The following XKR6 variants were observed in gnomAD, a reference collection of about 807,000 sequenced individuals.
XKR6 encodes XK-related protein 6.
XKR6 carries 22 observed loss-of-function variants against 56.7 expected under a neutral mutation model. That is an observed-to-expected ratio of 0.39 (90% CI 0.28 to 0.55). The LOEUF is 0.55. Among genes scored for constraint, XKR6 ranks in the 20% least tolerant of loss-of-function variants. The pLI, the probability that XKR6 is intolerant of heterozygous loss-of-function variation, is 0.66. For missense variants in XKR6, 852 were observed against 889.0 expected, an observed-to-expected ratio of 0.96 and a Z score of 0.53; for synonymous variants, 524 against 387.8, an observed-to-expected ratio of 1.35 and a Z score of -4.13.
At chr8:11,002,500 C>G (rs752802715) in intron 1 of XKR6, 4 of 364,778 alleles carry the variant, frequency 1.1e-5, no homozygotes, top group South Asian at 6.9e-5. Context: ...CAAAGCCAAC[C>G]GATACACTGA....
chr8:11,173,663 C>T (rs1310574289), intron 1 of XKR6, among the ~76,000 whole-genome samples: 1 of 152,124 alleles, frequency 6.6e-6, no homozygotes, highest in Non-Finnish European at 1.5e-5. Flanking sequence ...GAAACTCCCA[C>T]TGTGAGGGAG....
chr8:11,074,246 G>A (rs925606273), intron 1 of XKR6, among the ~76,000 whole-genome samples: 6 of 152,204 alleles, frequency 3.9e-5, no homozygotes, highest in Non-Finnish European at 8.8e-5. Flanking sequence ...ACAGGGAACT[G>A]CAGAAGCTGC....
intron 1 of XKR6, among the ~76,000 whole-genome samples, chr8:11,092,342 A>G (rs1798100323): frequency 6.6e-6 from 1 of 152,250 alleles, no homozygotes; most frequent in Admixed American, 6.5e-5. Context: ...ATATCCTTAC[A>G]ACCTTGGAAG....
chr8:11,091,507 A>C (rs1029991479), intron 1 of XKR6, among the ~76,000 whole-genome samples: 10 of 152,166 alleles, frequency 6.6e-5, no homozygotes, highest in African/African-American at 1.9e-4. Flanking sequence ...AGAAAACTCA[A>C]GAGGAATTGA....
At chr8:10,945,979 C>CA (rs1194376213) in intron 1 of XKR6, among the ~76,000 whole-genome samples, 1 of 152,114 alleles carries the variant, frequency 6.6e-6, no homozygotes, top group African/African-American at 2.4e-5. Flanking sequence ...CTCTAGCCCC[C>CA]ACGCAGTCTT....
chr8:10,986,088 A>T (rs993539678), intron 1 of XKR6, among the ~76,000 whole-genome samples: 1 of 152,270 alleles, frequency 6.6e-6, no homozygotes, highest in Non-Finnish European at 1.5e-5. Flanking sequence ...AAAGATGTAG[A>T]CAGATCTACT....
chr8:11,058,120 C>G (rs1799732176), intron 1 of XKR6, among the ~76,000 whole-genome samples: 1 of 152,210 alleles, frequency 6.6e-6, no homozygotes, highest in Non-Finnish European at 1.5e-5. Context: ...GAGTTGTGTT[C>G]TGCCAGCACC....
At chr8:11,051,414 G>T (rs770617390) in intron 1 of XKR6, among the ~76,000 whole-genome samples, 6 of 152,130 alleles carry the variant, frequency 3.9e-5, no homozygotes, top group Non-Finnish European at 8.8e-5. Context: ...CACTTCCCCA[G>T]GGGTGTTTCA....
chr8:10,945,439 G>A (rs1801506037), intron 1 of XKR6, among the ~76,000 whole-genome samples: 1 of 152,116 alleles, frequency 6.6e-6, no homozygotes, highest in South Asian at 2.1e-4. Context: ...AGCCGAGATG[G>A]CGCCACTGCA....
intron 1 of XKR6, among the ~76,000 whole-genome samples, chr8:11,066,333 T>G (rs1445474198): frequency 6.6e-5 from 10 of 152,244 alleles, no homozygotes. Context: ...CCACCATTTC[T>G]ATTGCATCTT....
chr8:11,101,884 T>G (rs1361802041), intron 1 of XKR6, among the ~76,000 whole-genome samples: 2 of 151,546 alleles, frequency 1.3e-5, no homozygotes, highest in Non-Finnish European at 2.9e-5. Flanking sequence ...ACGCTCTCCT[T>G]CCCTTACGGA....
In XKR6 at chr8:11,192,189, C is replaced by T. The variant is rs564461155; in HGVS notation, c.764+8387G>A. ...TTTTTTTTTTTGTGAGGTGGAGTCTCGCTCTGTCACTGAGGCTGCAGTGCA... is the reference window on the plus strand; with the variant it reads ...TTTTTTTTTTTGTGAGGTGGAGTCTTGCTCTGTCACTGAGGCTGCAGTGCA... On this transcript the variant is annotated intron_variant, in intron 1 of 2. Coordinates refer to ENST00000416569, the MANE Select transcript of XKR6 (RefSeq NM_173683.4). 5.3e-5 allele frequency among the ~76,000 whole-genome samples: 8 copies of T among 151,848 alleles called. No individual in the cohort carries two copies. In the South Asian group the frequency reaches 1.3e-3, roughly 24 times the overall value.
chr8:10,982,216 T>C (rs2129137686), intron 1 of XKR6, among the ~76,000 whole-genome samples: 1 of 152,258 alleles, frequency 6.6e-6, no homozygotes, highest in South Asian at 2.1e-4. Flanking sequence ...TAAAACAAAA[T>C]AAAAGATAAG....
intron 1 of XKR6, among the ~76,000 whole-genome samples, chr8:11,000,366 C>T (rs1442676913): frequency 1.3e-5 from 2 of 152,148 alleles, no homozygotes; most frequent in African/African-American, 2.4e-5. Context: ...TTTTCTTCCT[C>T]GTGGAGCACA....
intron 1 of XKR6, among the ~76,000 whole-genome samples, chr8:11,167,702 G>A (rs1247045459): frequency 1.3e-5 from 2 of 152,126 alleles, no homozygotes; most frequent in Non-Finnish European, 2.9e-5. Flanking sequence ...TACTAGCCTA[G>A]ACACAAGTCT....
At chr8:11,093,794 G>GT (rs1798165323) in intron 1 of XKR6, among the ~76,000 whole-genome samples, 1 of 151,382 alleles carries the variant, frequency 6.6e-6, no homozygotes, top group Admixed American at 6.6e-5. Context: ...TTTTTTGTTT[G>GT]TTTTTTTGAG....
chr8:11,162,925 ACTTAC>A (rs1563185491), intron 1 of XKR6, among the ~76,000 whole-genome samples: 1 of 152,232 alleles, frequency 6.6e-6, no homozygotes, highest in African/African-American at 2.4e-5. Flanking sequence ...CTAATTCATC[ACTTAC>A]CTTATTCTCA....
intron 1 of XKR6, among the ~76,000 whole-genome samples, chr8:11,173,752 C>T (rs1394186945): frequency 6.6e-6 from 1 of 152,170 alleles, no homozygotes; most frequent in Non-Finnish European, 1.5e-5. Context: ...TTTTCTTCTG[C>T]TCACAACCCA....
chr8:11,170,716 A>G (rs555056768), intron 1 of XKR6, among the ~76,000 whole-genome samples: 26 of 152,218 alleles, frequency 1.7e-4, no homozygotes, highest in Non-Finnish European at 3.4e-4. Flanking sequence ...TATCTTAATA[A>G]AACTGTTACA....
Sources: allele counts gnomAD v4.1 joint callset (sites outside exome capture counted in the v4.1 genomes callset), GRCh38; gene constraint gnomAD v4.1.1; transcripts MANE v1.5; gene names NCBI Gene and HGNC (gene_info 2026-07-23, HGNC 2026-07-21).